Variants in TECPR1 observed in about 807,000 individuals in gnomAD.
TECPR1 encodes tectonin beta-propeller repeat containing 1, also known as tectonin beta-propeller repeat-containing protein 1.
TECPR1 carries 122 observed loss-of-function variants against 162.4 expected under a neutral mutation model. The observed-to-expected ratio is 0.75, with a 90% CI of 0.65 to 0.87. The LOEUF (loss-of-function observed/expected upper bound fraction) is 0.87, where lower values mean the gene tolerates loss of function less well. TECPR1 is among the 40% of genes least tolerant of loss of function. The pLI is 0.00. For synonymous variants in TECPR1, 642 were observed against 670.6 expected (o/e 0.96, Z 0.66); for missense variants, 1,432 against 1,618.2 (o/e 0.88, Z 1.97).
intron 17 of TECPR1, among the ~76,000 whole-genome samples, chr7:98,225,701 T>C (rs780577280): frequency 1.5e-4 from 23 of 152,134 alleles, no homozygotes; most frequent in Non-Finnish European, 2.5e-4. Context: ...TCACCCAGGC[T>C]GGAGTGCAGG....
At chr7:98,237,672 T>A (rs943670487) in intron 9 of TECPR1, among the ~76,000 whole-genome samples, 1 of 152,166 alleles carries the variant, frequency 6.6e-6, no homozygotes, top group African/African-American at 2.4e-5. Flanking sequence ...TTTCACTGTG[T>A]TGGCCAGGCT....
rs58773222 is a variant in TECPR1 at position 98,248,762 on chromosome 7, G to A, written c.-19-2597C>T. ...CTCAGGAGACTGAGGCAGGAGAATC[G>A]CTGGAACCAGGAGGTGGAGGTTGCA... On this transcript the variant is annotated intron_variant, in intron 2 of 25. Transcript: ENST00000447648. 3.2e-3 allele frequency among the ~76,000 whole-genome samples: 487 copies of A among 151,790 alleles called. 3 individuals carry two copies. Among genetic ancestry groups the A allele is most frequent in the African/African-American group, 0.011 (460 of 41,432 alleles).
At chr7:98,223,206 C>T in intron 20 of TECPR1, 36 bp from the exon 21 acceptor site, 1 of 1,546,356 alleles carries the variant, frequency 6.5e-7, no homozygotes, top group Non-Finnish European at 8.8e-7. Context: ...CCAGGGACCC[C>T]AAGGTGACCA....
chr7:98,236,822 G>C lies in TECPR1; in HGVS notation c.1135C>G (p.Arg379Gly). 6.3e-7 allele frequency: 1 copy of C among 1,588,220 alleles called. No individual in the cohort carries two copies. The highest frequency in any genetic ancestry group is 1.2e-5 in the South Asian group (1 of 86,858). The change falls in exon 10 of 26, where the codon CGA becomes GGA. Residue 379 changes from arginine to glycine, a missense_variant. Coordinates refer to ENST00000447648, the MANE Select transcript of TECPR1 (RefSeq NM_015395.3). ...GKTWKAIIAA[R>G]ECDRSHSGSS... ...CCAGAGTGTGACCGGTCACACTCTC[G>C]GGCCGCGATGATGGCTTTCCAGGTC...
At chr7:98,226,502 C>T (rs367565674) in intron 17 of TECPR1, 14 of 1,025,424 alleles carry the variant, frequency 1.4e-5, no homozygotes, top group East Asian at 2.0e-4. Flanking sequence ...GCCCCCAACA[C>T]GGACACACAG....
At chr7:98,227,406 GAAAA>G (rs1019830619) in intron 17 of TECPR1, among the ~76,000 whole-genome samples, 1 of 144,460 alleles carries the variant, frequency 6.9e-6, no homozygotes, top group Non-Finnish European at 1.5e-5. Context: ...AAAAAAAAAA[GAAAA>G]AGAAAACAAA....
chr7:98,223,765 C>T, intron 19 of TECPR1, 47 bp from the exon 20 acceptor site: 1 of 1,599,338 alleles, frequency 6.3e-7, no homozygotes, highest in Non-Finnish European at 8.6e-7. Context: ...GTGGAAGTTT[C>T]TGGAAAGGGA....
In TECPR1 at chr7:98,240,782, G is replaced by A. The variant is rs545116925; in HGVS notation, c.933+69C>T. ...GTCACCCAGGCTGGAGTCCAGTGGTGTGATCACAGCTCACTGCAGTCTCCA... is the reference window on the plus strand; with the variant it reads ...GTCACCCAGGCTGGAGTCCAGTGGTATGATCACAGCTCACTGCAGTCTCCA... On this transcript the variant is annotated intron_variant, in intron 8 of 25. Transcript: ENST00000447648. 893 of 1,311,340 alleles carry A rather than the reference G, an allele frequency of 6.8e-4. 4 individuals carry two copies. The African/African-American group carries it at 0.012, about 17-fold the overall frequency. The allele number at this position is 1,311,340 out of a possible 1,614,324, so 81.2% of individuals were successfully genotyped here.
Position 98,223,119 on chromosome 7 carries a change from G to C in TECPR1, c.2799C>G (p.Ala933=), listed in dbSNP as rs757763545. The C allele has an allele frequency of 6.2e-7, 1 of 1,604,466 alleles. No individual in the cohort carries two copies. The highest frequency in any genetic ancestry group is 8.5e-7 in the Non-Finnish European group (1 of 1,176,224). ...CCGGGATGATGGACACGTCCCTGAG[G>C]GCGATGGGGGGCACCTCCAGCCAGG... ...SGPWLEVPPI[A]LRDVSIIPES... The change falls in exon 21 of 26, where the codon GCC becomes GCG. Residue 933 remains alanine, a synonymous_variant. Coordinates refer to ENST00000447648, the MANE Select transcript of TECPR1 (RefSeq NM_015395.3).
intron 8 of TECPR1, 108 bp from the exon 9 acceptor site, chr7:98,238,718 C>T (rs546931863): frequency 4.4e-5 from 41 of 932,238 alleles, no homozygotes; most frequent in Non-Finnish European, 6.1e-5. Context: ...CTTTGGTTCA[C>T]GTCGCAAATG....
intron 15 of TECPR1, among the ~76,000 whole-genome samples, chr7:98,230,637 A>G (rs2116568182): frequency 6.6e-6 from 1 of 151,946 alleles, no homozygotes; most frequent in East Asian, 1.9e-4. Flanking sequence ...AGGTGGAGAG[A>G]CGTGGCTGCT....
intron 23 of TECPR1, among the ~76,000 whole-genome samples, chr7:98,219,011 A>G (rs1798082596): frequency 6.6e-6 from 1 of 152,218 alleles, no homozygotes; most frequent in Admixed American, 6.5e-5. Flanking sequence ...ACAGTAACAA[A>G]AACAGCATGG....
chr7:98,221,299 T>C (rs1362897911), intron 23 of TECPR1, among the ~76,000 whole-genome samples: 1 of 151,954 alleles, frequency 6.6e-6, no homozygotes, highest in Non-Finnish European at 1.5e-5. Flanking sequence ...CGAAACTCCA[T>C]CTCAAAGAAA....
chr7:98,251,104 A>G (rs2116647698), intron 2 of TECPR1: 1 of 152,328 alleles, frequency 6.6e-6, no homozygotes, highest in African/African-American at 2.4e-5. Flanking sequence ...ATGAAGCCCC[A>G]TGATTCAGGG....
At chr7:98,243,723 G>T in intron 5 of TECPR1, 131 bp from the exon 6 acceptor site, 1 of 1,246,594 alleles carries the variant, frequency 8.0e-7, no homozygotes, top group South Asian at 1.5e-5. Context: ...AATTCACAGG[G>T]AAGGCAGCAT....
At position 98,220,439 on chromosome 7, in the gene TECPR1, G is replaced by C. The variant is rs535279945; in HGVS notation, c.3157+1222C>G. On this transcript the variant is annotated intron_variant, in intron 23 of 25. Coordinates refer to ENST00000447648, the MANE Select transcript of TECPR1 (RefSeq NM_015395.3). ...AGACAGAGTCTTGCTCTGTCACCCA[G>C]GCTGGAGTGCAGTGGCATGCCTTGG... Among the ~76,000 whole-genome samples the C allele has an allele frequency of 6.4e-4, 97 of 152,152 alleles. 1 individual carries two copies. Among genetic ancestry groups the C allele is most frequent in the African/African-American group, 2.2e-3 (90 of 41,504 alleles).
At chr7:98,245,280 C>T (rs1378010232) in intron 3 of TECPR1, among the ~76,000 whole-genome samples, 1 of 152,220 alleles carries the variant, frequency 6.6e-6, no homozygotes, top group Non-Finnish European at 1.5e-5. Flanking sequence ...CAGCACAGCC[C>T]CAAAGGGCAA....
Position 98,229,961 on chromosome 7 carries a change from C to T in TECPR1, c.2283-795G>A, listed in dbSNP as rs1403244751. On this transcript the variant is annotated intron_variant, in intron 15 of 25. Transcript: ENST00000447648. Reference sequence around the variant, plus strand: ...GTCCTCAGGACTCAGCTCAGATCCCCCCCCCAGGGAACCTCATTCCCCCTT... The same window carrying T: ...GTCCTCAGGACTCAGCTCAGATCCCTCCCCCAGGGAACCTCATTCCCCCTT... Among the ~76,000 whole-genome samples the T allele has an allele frequency of 6.6e-5, 10 of 151,724 alleles. No individual in the cohort carries two copies. The South Asian group carries it at 1.5e-3, about 22-fold the overall frequency.
rs572852022 is a variant in TECPR1 at position 98,248,006 on chromosome 7, G to A, written c.-19-1841C>T. ...CTCCCGAAGCGCTGGGATTATAGAC[G>A]TGAGCCACTGCACCCAGCCCTTTCT... On this transcript the variant is annotated intron_variant, in intron 2 of 25. Coordinates refer to ENST00000447648, the MANE Select transcript of TECPR1 (RefSeq NM_015395.3). 4.5e-3 allele frequency among the ~76,000 whole-genome samples: 684 copies of A among 152,302 alleles called. 8 individuals are homozygous for A. Among genetic ancestry groups the A allele is most frequent in the Non-Finnish European group, 6.1e-3 (413 of 68,030 alleles).
Sources: gnomAD v4.1 joint callset for allele counts (sites outside exome capture counted in the v4.1 genomes callset) on GRCh38, gnomAD v4.1.1 for gene constraint, MANE v1.5 for transcripts, NCBI Gene and HGNC (gene_info 2026-07-23, HGNC 2026-07-21) for gene names.